Variants in SPAG16 observed in about 807,000 individuals in gnomAD.
SPAG16 encodes sperm-associated antigen 16 protein.
A neutral mutation model predicts 80.4 loss-of-function variants in SPAG16; 86 were observed. That is an observed-to-expected ratio of 1.07 (90% confidence interval 0.90 to 1.28). SPAG16 has a LOEUF of 1.28. SPAG16 is among the 50% of genes most tolerant of loss of function. The pLI, the probability that SPAG16 is intolerant of heterozygous loss-of-function variation, is 0.00. For missense variants in SPAG16, 870 were observed against 765.3 expected (o/e 1.14, Z -1.61); for synonymous variants, 294 against 265.9 (o/e 1.11, Z -1.03).
chr2:213,829,501 A>C (rs1197871400), intron 10 of SPAG16, among the ~76,000 whole-genome samples: 1 of 152,110 alleles, frequency 6.6e-6, no homozygotes, highest in Non-Finnish European at 1.5e-5. Flanking sequence ...CACTATGGCC[A>C]AGCAAGTACC....
At chr2:213,857,690 T>C (rs75386216) in intron 10 of SPAG16, among the ~76,000 whole-genome samples, 561 of 152,330 alleles carry the variant, frequency 3.7e-3, no homozygotes, top group Non-Finnish European at 4.7e-3. Flanking sequence ...CTGCTTCCCG[T>C]GGGTCAATGA....
At chr2:213,767,656 C>CACAA (rs775781646) in intron 10 of SPAG16, among the ~76,000 whole-genome samples, 26 of 2,460 alleles carry the variant, frequency 0.011, no homozygotes, top group Non-Finnish European at 0.053. Context: ...CAACATACTT[C>CACAA]ACACACACAC....
intron 15 of SPAG16, among the ~76,000 whole-genome samples, chr2:214,224,108 A>G (rs2058646163): frequency 6.6e-6 from 1 of 152,174 alleles, no homozygotes; most frequent in Admixed American, 6.6e-5. Flanking sequence ...AGGGCCTTGA[A>G]AGTTAAGCCA....
chr2:213,758,622 G>A (rs2068475537), intron 10 of SPAG16, among the ~76,000 whole-genome samples: 1 of 152,096 alleles, frequency 6.6e-6, no homozygotes, highest in African/African-American at 2.4e-5. Context: ...TAAACTTGAA[G>A]ATAGGACAAT....
At chr2:213,979,617 C>A (rs776412596) in intron 12 of SPAG16, among the ~76,000 whole-genome samples, 2 of 152,008 alleles carry the variant, frequency 1.3e-5, no homozygotes, top group Non-Finnish European at 2.9e-5. Context: ...ATCATGAGAA[C>A]AGCATGGGGG....
At chr2:214,292,732 G>A (rs11894925) in intron 15 of SPAG16, among the ~76,000 whole-genome samples, 5,395 of 152,230 alleles carry the variant, frequency 0.035, 243 homozygotes, top group African/African-American at 0.1. Flanking sequence ...GATGCTTCCT[G>A]TATCCTCACA....
chr2:213,417,433 A>T (rs2069323698), intron 9 of SPAG16, among the ~76,000 whole-genome samples: 1 of 152,252 alleles, frequency 6.6e-6, no homozygotes, highest in South Asian at 2.1e-4. Flanking sequence ...TTTGTACAAC[A>T]TGCAGGGAAC....
chr2:213,284,843 T>A (rs899009159), intron 1 of SPAG16: 4 of 576,702 alleles, frequency 6.9e-6, no homozygotes, highest in Non-Finnish European at 1.2e-5. Context: ...GTTAGAAGAG[T>A]TGGGAGACCT....
At chr2:213,933,188 A>G (rs1462076953) in intron 12 of SPAG16, among the ~76,000 whole-genome samples, 1 of 151,646 alleles carries the variant, frequency 6.6e-6, no homozygotes, top group Admixed American at 6.6e-5. Context: ...AAATCAGAAA[A>G]TAGCTATAAA....
intron 10 of SPAG16, among the ~76,000 whole-genome samples, chr2:213,690,930 C>G (rs992710413): frequency 2.6e-5 from 4 of 152,038 alleles, no homozygotes; most frequent in Non-Finnish European, 4.4e-5. Flanking sequence ...CTCTCTTTCT[C>G]TAGCTTGCAT....
intron 13 of SPAG16, among the ~76,000 whole-genome samples, chr2:214,079,659 G>A (rs9807944): frequency 0.65 from 98,083 of 151,998 alleles, 32,011 homozygotes; most frequent in African/African-American, 0.68. Context: ...TTTTCTACCG[G>A]CAAGATGAAA....
In SPAG16 at chr2:214,388,275, G is replaced by GA. The variant is rs200670370; in HGVS notation, c.1721-21856dup. 6.7e-3 allele frequency among the ~76,000 whole-genome samples: 1,010 copies of GA among 151,104 alleles called. 5 individuals are homozygous for GA. Among genetic ancestry groups the GA allele is most frequent in the East Asian group, 0.01 (52 of 5,148 alleles). ...ATAAAATAGCAGGGTCCCTATTTAAGAAAAAAAAATTATTAATAGAAAATT... is the reference window on the plus strand; with the variant it reads ...ATAAAATAGCAGGGTCCCTATTTAAGAAAAAAAAAATTATTAATAGAAAATT... On this transcript the variant is annotated intron_variant, in intron 15 of 15. Coordinates refer to ENST00000331683, the MANE Select transcript of SPAG16 (RefSeq NM_024532.5).
At chr2:213,404,254 A>G (rs2068487919) in intron 9 of SPAG16, among the ~76,000 whole-genome samples, 2 of 152,232 alleles carry the variant, frequency 1.3e-5, no homozygotes, top group African/African-American at 4.8e-5. Flanking sequence ...TGCCAAGTCA[A>G]TCCTAAGCCA....
chr2:213,404,375 A>G (rs2068495824), intron 9 of SPAG16, among the ~76,000 whole-genome samples: 1 of 152,190 alleles, frequency 6.6e-6, no homozygotes, highest in South Asian at 2.1e-4. Flanking sequence ...GACCAATGGA[A>G]CAGAACAGAG....
intron 10 of SPAG16, among the ~76,000 whole-genome samples, chr2:213,797,480 A>T (rs1162433460): frequency 6.6e-6 from 1 of 152,204 alleles, no homozygotes; most frequent in African/African-American, 2.4e-5. Flanking sequence ...CACAAATACC[A>T]TTGTGTTACA....
At chr2:214,083,495 T>TATCC (rs1452026380) in intron 13 of SPAG16, among the ~76,000 whole-genome samples, 1 of 152,158 alleles carries the variant, frequency 6.6e-6, no homozygotes, top group Non-Finnish European at 1.5e-5. Flanking sequence ...AATTCAGCTA[T>TATCC]ATCCATAACA....
At chr2:214,389,375 A>G (rs1053004814) in intron 15 of SPAG16, among the ~76,000 whole-genome samples, 3 of 152,236 alleles carry the variant, frequency 2.0e-5, no homozygotes, top group Admixed American at 1.3e-4. Context: ...AGGAGACTCT[A>G]TGGTTCCAAA....
At chr2:213,623,012 T>C (rs2061840244) in intron 10 of SPAG16, among the ~76,000 whole-genome samples, 1 of 152,222 alleles carries the variant, frequency 6.6e-6, no homozygotes, top group Non-Finnish European at 1.5e-5. Context: ...TTTTTAAATG[T>C]GTCTCCTTTA....
At chr2:213,853,269 T>G (rs917215840) in intron 10 of SPAG16, among the ~76,000 whole-genome samples, 1 of 152,172 alleles carries the variant, frequency 6.6e-6, no homozygotes, top group African/African-American at 2.4e-5. Flanking sequence ...AGTCTAACAG[T>G]GGATTCTTAT....
Sources: gnomAD v4.1 joint callset for allele counts (sites outside exome capture counted in the v4.1 genomes callset) on GRCh38, gnomAD v4.1.1 for gene constraint, MANE v1.5 for transcripts, NCBI Gene and HGNC (gene_info 2026-07-23, HGNC 2026-07-21) for gene names.